The following LILRB2 variants were observed in gnomAD, a reference collection of about 807,000 sequenced individuals.
The protein encoded by LILRB2 is leukocyte immunoglobulin like receptor B2.
A neutral mutation model predicts 72.7 loss-of-function variants in LILRB2; 47 were observed. The observed-to-expected ratio is 0.65, with a 90% CI of 0.51 to 0.82. LILRB2 has a LOEUF of 0.82. Among genes scored for constraint, LILRB2 ranks in the 40% least tolerant of loss-of-function variants. LILRB2 has a pLI of 0.00. For missense variants in LILRB2, 767 were observed against 764.8 expected, an observed-to-expected ratio of 1.00 and a Z score of -0.03; for synonymous variants, 279 against 313.7, an observed-to-expected ratio of 0.89 and a Z score of 1.17.
At chr19:54,277,099 G>C (rs1195039963) in intron 9 of LILRB2, 170 bp from the exon 10 acceptor site, 9 of 1,503,754 alleles carry the variant, frequency 6.0e-6, no homozygotes, top group Non-Finnish European at 8.1e-6. Context: ...CGCTCAGAGA[G>C]GGGAATCGCC....
rs1356558074 is a variant in LILRB2 at position 54,278,829 on chromosome 19, A to C, written c.938T>G (p.Leu313Arg). 1.9e-6 allele frequency: 3 copies of C among 1,612,686 alleles called. No homozygotes were observed. Among genetic ancestry groups the C allele is most frequent in the East Asian group, 4.5e-5 (2 of 44,878 alleles). The change falls in exon 6 of 14, where the codon CTG (leucine) becomes CGG (arginine). Residue 313 changes from leucine (L) to arginine (R), a missense_variant. Around this residue, in one of 3 missense-constraint regions of LILRB2, gnomAD observed 599 missense variants for 568.2 expected, o/e 1.05. Coordinates refer to ENST00000314446, the MANE Select transcript of LILRB2 (RefSeq NM_001080978.4). ...SSECSAPSDP[L>R]DILITGQIRG... is the part of the protein sequence containing the mutation. ...CTCCTCACCTGTGATCAGGATGTCC[A>C]GGGGGTCGCTGGGGGCCGAGCACTC...
rs1187765366 is a variant in LILRB2, at chr19:54,278,866, T to G, written c.901A>C (p.Asn301His). The G allele has an allele frequency of 5.6e-6, 9 of 1,613,714 alleles. No individual in the cohort carries two copies. Among genetic ancestry groups the G allele is most frequent in the Non-Finnish European group, 7.6e-6 (9 of 1,179,874 alleles). The stretch of plus-strand genomic sequence containing the variant: ...GGGGCCGAGCACTCAGAGGAGAGGT[T>G]GTGTGCACCGTAGCATCTGTACTGG... ...GGQYRCYGAHNLSSECSAPSD... is the reference protein window; with the variant it reads ...GGQYRCYGAHHLSSECSAPSD... Residue 301 changes from asparagine to histidine, a missense_variant, in exon 6 of 14, where the codon AAC (asparagine) becomes CAC (histidine). Around this residue, in one of 3 missense-constraint regions of LILRB2, gnomAD observed 599 missense variants for 568.2 expected, o/e 1.05. Coordinates refer to ENST00000314446, the MANE Select transcript of LILRB2 (RefSeq NM_001080978.4).
chr19:54,275,606 C>A (rs1237893124), intron 13 of LILRB2: 1 of 535,472 alleles, frequency 1.9e-6, no homozygotes, highest in Non-Finnish European at 3.7e-6. Context: ...GAGCCTGATC[C>A]ACAGTGAGCT....
rs73938625 is a variant in LILRB2, at chr19:54,281,110, C to G, written c.-198G>C. 7.9e-3 allele frequency: 3,246 copies of G among 410,684 alleles called. 79 individuals carry two copies. Among genetic ancestry groups the G allele is most frequent in the African/African-American group, 0.061 (2,986 of 49,062 alleles). 25.4% of individuals were successfully genotyped at this position (410,684 alleles called of 1,614,324 possible). On this transcript the variant is annotated 5_prime_UTR_variant, in exon 1 of 14. Coordinates refer to ENST00000314446, the MANE Select transcript of LILRB2 (RefSeq NM_001080978.4). ...TGGCAGTGAGCACAGAGGAGAAATG[C>G]AGGGAAGTAGGGGAAGAAAAGTTGA... is the stretch of plus-strand genomic sequence containing the variant.
In LILRB2 at chr19:54,278,108, G is replaced by GC. The variant is rs1219926589; in HGVS notation, c.1258+151dup. On this transcript the variant is annotated intron_variant, in intron 7 of 13. Transcript: ENST00000314446. ...GCTGAGTGTGCGCAGGCCTGGGAGG[G>GC]CCTGTTGTCCTCCTTCCCTCTGAGG... The GC allele has an allele frequency of 7.9e-5, 95 of 1,200,994 alleles. No individual in the cohort carries two copies. In the East Asian group the frequency reaches 9.6e-4, roughly 12 times the overall value. 74.4% of individuals were successfully genotyped at this position (1,200,994 alleles called of 1,614,324 possible).
chr19:54,278,445 T>C lies in LILRB2; in HGVS notation c.1073A>G (p.Lys358Arg). Residue 358 changes from lysine (K) to arginine (R), a missense_variant, in exon 7 of 14, where the codon AAG becomes AGG. Lys to Arg is a conservative substitution (Grantham distance 26). This residue lies in a region of LILRB2 where 599 missense variants were observed against 568.2 expected (regional missense o/e 1.05). Transcript: ENST00000314446. ...GAGTGGGGCATCAGCTGCTCCCGCCTTGGTCAGAAGGAAAGTGTGGAACTG... is the reference window on the plus strand; with the variant it reads ...GAGTGGGGCATCAGCTGCTCCCGCCCTGGTCAGAAGGAAAGTGTGGAACTG... Reference protein sequence around the residue: ...WRQFHTFLLTKAGAADAPLRL... With the variant: ...WRQFHTFLLTRAGAADAPLRL... 1 of 1,614,176 alleles carries C rather than the reference T, an allele frequency of 6.2e-7. No homozygotes were observed. Among genetic ancestry groups the C allele is most frequent in the Non-Finnish European group, 8.5e-7 (1 of 1,180,010 alleles).
In LILRB2 at chr19:54,280,297, G is replaced by A. The variant is rs760955791; in HGVS notation, c.37C>T (p.Leu13=). Residue 13 remains leucine, a splice_region_variant and synonymous_variant, in exon 3 of 14, where the codon CTG becomes TTG. Coordinates refer to ENST00000314446, the MANE Select transcript of LILRB2 (RefSeq NM_001080978.4). ...PIVTVLICLG[L]SLGPRTRVQT... ...ACGCGGGTCCTGGGGCCCAGACTCA[G>A]CCCTGGAAGAGAGTTCCCTGTGAGG... 3.7e-6 allele frequency: 6 copies of A among 1,614,154 alleles called. No individual in the cohort carries two copies. Among genetic ancestry groups the A allele is most frequent in the Middle Eastern group, 1.7e-4 (1 of 6,042 alleles).
intron 8 of LILRB2, 64 bp downstream of exon 8, chr19:54,277,825 G>T: frequency 7.2e-7 from 1 of 1,394,258 alleles, no homozygotes; most frequent in Non-Finnish European, 1.0e-6. Flanking sequence ...GGATCCTCCT[G>T]GACACTCAAA....
In LILRB2 at chr19:54,281,073, T is replaced by C. The variant is rs13347079; in HGVS notation, c.-161A>G. On this transcript the variant is annotated 5_prime_UTR_variant, in exon 1 of 14. Transcript: ENST00000314446. ...CTCGCCTCTGGCTGTGCTGTCCAGGTTGAGCTGTGTGTGGCAGTGAGCACA... is the reference window on the plus strand; with the variant it reads ...CTCGCCTCTGGCTGTGCTGTCCAGGCTGAGCTGTGTGTGGCAGTGAGCACA... The C allele has an allele frequency of 0.24, 84,503 of 348,808 alleles. 7,583 individuals carry two copies. Among genetic ancestry groups the C allele is most frequent in the South Asian group, 0.29 (14,529 of 50,098 alleles). 21.6% of individuals were successfully genotyped at this position (348,808 alleles called of 1,614,324 possible).
Position 54,276,787 on chromosome 19 carries a change from G to C in LILRB2, c.1480+20C>G, listed in dbSNP as rs752240050. ...AGCCCACCCTCGGTCGGCCCACAGGGTTTCCCCTTCCCTACTCACTCGATG... is the reference window on the plus strand; with the variant it reads ...AGCCCACCCTCGGTCGGCCCACAGGCTTTCCCCTTCCCTACTCACTCGATG... On this transcript the variant is annotated intron_variant, in intron 10 of 13. Transcript: ENST00000314446. The C allele has an allele frequency of 6.2e-7, 1 of 1,610,360 alleles. No individual in the cohort carries two copies.
In LILRB2 at chr19:54,277,958, G is replaced by C. The variant is rs1403133189; in HGVS notation, c.1259-19C>G. 11 of 1,481,232 alleles carry C rather than the reference G, an allele frequency of 7.4e-6. No individual in the cohort carries two copies. In the Admixed American group the frequency reaches 2.8e-4, roughly 38 times the overall value. The allele number at this position is 1,481,232 out of a possible 1,614,324, so 91.8% of individuals were successfully genotyped here. A position where few individuals can be genotyped will look rare whatever the true frequency, so the allele number is the denominator to read the frequency against. On this transcript the variant is annotated intron_variant, in intron 7 of 13. Transcript: ENST00000314446. ...GAGGGTCCTGGGTGAAAGAATGAGA[G>C]GAGGGTGAGGAGCTGGGGCTTTCCT...
chr19:54,280,200 C>T, intron 3 of LILRB2, 64 bp downstream of exon 3: 1 of 1,613,194 alleles, frequency 6.2e-7, no homozygotes, highest in Non-Finnish European at 8.5e-7. Flanking sequence ...TCCCCAGCTG[C>T]ACGGAGGTGG....
chr19:54,279,314 G>A lies in LILRB2; in HGVS notation c.658+31C>T, dbSNP rs769516628. ...TGCCTGGAGACTCAGGGAGACTCAG[G>A]GAACTCCAGACAATGCTGTGAATTT... On this transcript the variant is annotated intron_variant, in intron 5 of 13. Coordinates refer to ENST00000314446, the MANE Select transcript of LILRB2 (RefSeq NM_001080978.4). The A allele has an allele frequency of 1.9e-5, 31 of 1,592,826 alleles. 1 individual carries two copies. The highest frequency in any genetic ancestry group is 3.4e-4 in the Middle Eastern group (2 of 5,944).
chr19:54,274,506 T>G lies in LILRB2; in HGVS notation c.*177A>C. On this transcript the variant is annotated 3_prime_UTR_variant, in exon 14 of 14. Coordinates refer to ENST00000314446, the MANE Select transcript of LILRB2 (RefSeq NM_001080978.4). ...TTGCTTTAATTAAAAAATGTAGGGA[T>G]ATTAGTTATTTCGACTGCAGAATCA... 2.6e-6 allele frequency: 3 copies of G among 1,142,994 alleles called. No individual in the cohort carries two copies. Among genetic ancestry groups the G allele is most frequent in the Non-Finnish European group, 3.6e-6 (3 of 822,422 alleles). The allele number at this position is 1,142,994 out of a possible 1,614,324, so 70.8% of individuals were successfully genotyped here. A position where few individuals can be genotyped will look rare whatever the true frequency, so the allele number is the denominator to read the frequency against.
intron 1 of LILRB2, 27 bp downstream of exon 1, chr19:54,280,934 A>G (rs1159703519): frequency 4.2e-5 from 57 of 1,345,232 alleles, no homozygotes; most frequent in Non-Finnish European, 5.5e-5. Context: ...CAGCCCATCC[A>G]TCAGCACAGC....
intron 10 of LILRB2, 174 bp from the exon 11 acceptor site, chr19:54,276,630 C>T: frequency 7.0e-7 from 1 of 1,430,212 alleles, no homozygotes; most frequent in East Asian, 2.3e-5. Flanking sequence ...GGGACTGAGC[C>T]CGGAGGACAC....
intron 5 of LILRB2, 81 bp from the exon 6 acceptor site, chr19:54,279,189 A>C (rs574408879): frequency 4.0e-5 from 63 of 1,558,194 alleles, no homozygotes; most frequent in South Asian, 1.2e-4. Context: ...GTGCCTCACC[A>C]CTGCTGATCT....
At chr19:54,276,082 C>T in intron 12 of LILRB2, 79 bp from the exon 13 acceptor site, 1 of 1,584,142 alleles carries the variant, frequency 6.3e-7, no homozygotes, top group Non-Finnish European at 8.6e-7. Flanking sequence ...CTGCCCTGCT[C>T]CCAGATGGGG....
In LILRB2 at chr19:54,274,849, G is replaced by A. The variant is rs777914039; in HGVS notation, c.1648-20C>T. 2.8e-5 allele frequency: 45 copies of A among 1,610,182 alleles called. No homozygotes were observed. The highest frequency in any genetic ancestry group is 3.6e-5 in the Non-Finnish European group (42 of 1,179,034). ...AGCAGCCTGCAGCGGGGGAGAGTGA[G>A]AGGTAAGGAACGTGGTGGGGGTGGG... On this transcript the variant is annotated intron_variant, in intron 13 of 13. Coordinates refer to ENST00000314446, the MANE Select transcript of LILRB2 (RefSeq NM_001080978.4).
Sources: gnomAD v4.1 joint callset for allele counts on GRCh38, gnomAD v4.1.1 for gene constraint, gnomAD v4.1.1 regional missense constraint, MANE v1.5 for transcripts, NCBI Gene and HGNC (gene_info 2026-07-23, HGNC 2026-07-21) for gene names.